The following TBC1D31 variants were observed in gnomAD, a reference collection of about 807,000 sequenced individuals.
TBC1D31 encodes the protein TBC1 domain family member 31, also known as WD repeat domain 67.
A neutral mutation model predicts 132.9 loss-of-function variants in TBC1D31; 99 were observed. The ratio of observed to expected loss-of-function variants is 0.74; its 90% confidence interval spans 0.63 to 0.88. The LOEUF is 0.88. Among genes scored for constraint, TBC1D31 ranks in the 40% least tolerant of loss-of-function variants. TBC1D31 has a pLI of 0.00. For missense variants in TBC1D31, 1,134 were observed against 1,256.6 expected (o/e 0.90, Z 1.48); for synonymous variants, 385 against 419.4 (o/e 0.92, Z 1.00).
chr8:123,136,964 T>C (rs1821159268), intron 17 of TBC1D31, among the ~76,000 whole-genome samples: 1 of 152,232 alleles, frequency 6.6e-6, no homozygotes, highest in African/African-American at 2.4e-5. Context: ...GCTGTAGTGA[T>C]TGCCACTTTA....
chr8:123,095,934 T>G (rs1816793056), intron 5 of TBC1D31, among the ~76,000 whole-genome samples: 1 of 152,194 alleles, frequency 6.6e-6, no homozygotes, highest in Admixed American at 6.5e-5. Context: ...CACGCTGTTC[T>G]TCTAAGTCAT....
Position 123,128,346 on chromosome 8 carries a change from G to A in TBC1D31, c.1950G>A (p.Met650Ile), listed in dbSNP as rs774327469. 7 of 1,613,234 alleles carry A rather than the reference G, an allele frequency of 4.3e-6. No homozygotes were observed. The African/African-American group carries it at 6.7e-5, about 15-fold the overall frequency. ...NVVIRQVYHL[M>I]ETTPTDIHPD... ...TGATTAGACAAGTTTATCATCTCAT[G>A]GAGACCACGCCTACTGACATTCATC... The change falls in exon 14 of 22, where the codon ATG (methionine) becomes ATA (isoleucine). Residue 650 changes from methionine to isoleucine, a missense_variant. Met to Ile is a conservative substitution (Grantham distance 10, BLOSUM62 1). Coordinates refer to ENST00000287380, the MANE Select transcript of TBC1D31 (RefSeq NM_145647.4).
At chr8:123,096,206 A>T (rs1253663525) in intron 5 of TBC1D31, among the ~76,000 whole-genome samples, 4 of 151,000 alleles carry the variant, frequency 2.6e-5, no homozygotes, top group Non-Finnish European at 5.9e-5. Flanking sequence ...GTAAAATTCA[A>T]CCCCCCACCC....
At chr8:123,126,897 A>G (rs1224493267) in intron 13 of TBC1D31, among the ~76,000 whole-genome samples, 1 of 151,944 alleles carries the variant, frequency 6.6e-6, no homozygotes, top group Non-Finnish European at 1.5e-5. Context: ...GCGCACCATC[A>G]TGCCCAGCTA....
intron 10 of TBC1D31, among the ~76,000 whole-genome samples, chr8:123,112,648 T>C (rs1037397849): frequency 3.3e-5 from 5 of 152,248 alleles, no homozygotes; most frequent in Non-Finnish European, 5.9e-5. Context: ...ATTTTCAATC[T>C]TCTGCTGTCA....
chr8:123,104,679 G>A (rs752075176), intron 7 of TBC1D31, among the ~76,000 whole-genome samples: 1 of 152,056 alleles, frequency 6.6e-6, no homozygotes, highest in Non-Finnish European at 1.5e-5. Context: ...AGTTGTTCAG[G>A]TTTTTTTCCG....
intron 6 of TBC1D31, among the ~76,000 whole-genome samples, chr8:123,099,210 C>G (rs907934434): frequency 2.0e-5 from 3 of 152,138 alleles, no homozygotes; most frequent in African/African-American, 7.2e-5. Context: ...AGCTCCGCCT[C>G]CCAGGTTCAC....
rs758920926 is a variant in TBC1D31 at position 123,094,727 on chromosome 8, A to G, written c.671+985A>G. On this transcript the variant is annotated intron_variant, in intron 5 of 21. Coordinates refer to ENST00000287380, the MANE Select transcript of TBC1D31 (RefSeq NM_145647.4). ...GCTAATTTTTGTATTTTTAGTAGAG[A>G]CGGGGGTTTCACCATGTTGGCCAGG... 1.5e-3 allele frequency among the ~76,000 whole-genome samples: 231 copies of G among 150,734 alleles called. 3 individuals are homozygous for G. The highest frequency in any genetic ancestry group is 2.1e-3 in the Non-Finnish European group (140 of 67,664).
chr8:123,090,593 T>C (rs935468089), intron 4 of TBC1D31, among the ~76,000 whole-genome samples: 1 of 152,180 alleles, frequency 6.6e-6, no homozygotes, highest in East Asian at 1.9e-4. Flanking sequence ...ATACAAATAA[T>C]ACATTTGACC....
At chr8:123,086,732 TC>T (rs1815796097) in intron 4 of TBC1D31, among the ~76,000 whole-genome samples, 4 of 151,532 alleles carry the variant, frequency 2.6e-5, no homozygotes, top group Admixed American at 2.0e-4. Flanking sequence ...TTTTTTTTTT[TC>T]CTTTGCAACG....
intron 2 of TBC1D31, 52 bp downstream of exon 2, chr8:123,077,309 G>A (rs1410459724): frequency 6.7e-7 from 1 of 1,499,738 alleles, no homozygotes; most frequent in Non-Finnish European, 9.0e-7. Context: ...TTAATTCACT[G>A]ACTGTTTTCG....
the TBC1D31 span, among the ~76,000 whole-genome samples, chr8:123,163,665 C>T: frequency 2.0e-5 from 3 of 152,184 alleles, no homozygotes; most frequent in Middle Eastern, 6.8e-3. Flanking sequence ...TGCACCCAGC[C>T]CATTTTAACC....
rs113490821 is a variant in TBC1D31 at position 123,104,435 on chromosome 8, A to C, written c.1033-853A>C. Among the ~76,000 whole-genome samples the C allele has an allele frequency of 9.4e-3, 1,426 of 152,324 alleles. 24 individuals carry two copies. The highest frequency in any genetic ancestry group is 0.032 in the African/African-American group (1,315 of 41,572). ...GTCAAAAAATAGTTTAAGGATATTAAATATGGGTAATATTCATAAGTCAGA... is the reference window on the plus strand; with the variant it reads ...GTCAAAAAATAGTTTAAGGATATTACATATGGGTAATATTCATAAGTCAGA... On this transcript the variant is annotated intron_variant, in intron 7 of 21. Coordinates refer to ENST00000287380, the MANE Select transcript of TBC1D31 (RefSeq NM_145647.4).
chr8:123,102,387 C>T (rs979954335), intron 7 of TBC1D31: 1 of 367,110 alleles, frequency 2.7e-6, no homozygotes, highest in East Asian at 8.1e-5. Flanking sequence ...AAGTTTGTGC[C>T]TCCTCCTTTT....
chr8:123,143,646 A>G (rs16898043), intron 19 of TBC1D31, among the ~76,000 whole-genome samples: 21,298 of 152,172 alleles, frequency 0.14, 2,106 homozygotes, highest in African/African-American at 0.28. Flanking sequence ...TCACTATTCC[A>G]GATTCATTTT....
chr8:123,095,746 A>T (rs1358451339), intron 5 of TBC1D31, among the ~76,000 whole-genome samples: 3 of 152,198 alleles, frequency 2.0e-5, no homozygotes, highest in African/African-American at 7.2e-5. Context: ...CTTATCTTGT[A>T]CAATTCCCGC....
At chr8:123,120,022 A>G (rs1386386746) in intron 10 of TBC1D31, 33 bp from the exon 11 acceptor site, 7 of 1,514,702 alleles carry the variant, frequency 4.6e-6, no homozygotes, top group Non-Finnish European at 6.2e-6. Flanking sequence ...ATTTATTCAA[A>G]TAAATTTTAA....
intron 5 of TBC1D31, among the ~76,000 whole-genome samples, chr8:123,096,458 G>A (rs1377610250): frequency 2.6e-5 from 4 of 152,206 alleles, no homozygotes. Context: ...GTCATCCCAT[G>A]ACTGGCCTAT....
chr8:123,156,252 T>G (rs1202087086), downstream of TBC1D31, among the ~76,000 whole-genome samples: 3 of 151,956 alleles, frequency 2.0e-5, no homozygotes, highest in Non-Finnish European at 1.5e-5. Context: ...ACCAGCCTGG[T>G]CAACGTAGTG....
Sources: gnomAD v4.1 joint callset for allele counts (sites outside exome capture counted in the v4.1 genomes callset) on GRCh38, gnomAD v4.1.1 for gene constraint, MANE v1.5 for transcripts, NCBI Gene and HGNC (gene_info 2026-07-23, HGNC 2026-07-21) for gene names.